CNOT4: variants seen among roughly 807,000 people sequenced by gnomAD.
The protein encoded by CNOT4 is CCR4-associated factor 4.
A neutral mutation model predicts 73.8 loss-of-function variants in CNOT4; 8 were observed. That is an observed-to-expected ratio of 0.11 (90% CI 0.06 to 0.20). CNOT4 has a LOEUF of 0.20. Ranked by LOEUF, CNOT4 falls within the 10% of genes least tolerant of loss-of-function variation. The pLI is 1.00. For missense variants in CNOT4, 564 were observed against 883.4 expected (o/e 0.64, Z 4.58); for synonymous variants, 293 against 321.1 (o/e 0.91, Z 0.94).
At chr7:135,427,043 C>T (rs1161482482) in intron 2 of CNOT4, among the ~76,000 whole-genome samples, 2 of 151,904 alleles carry the variant, frequency 1.3e-5, no homozygotes, top group Admixed American at 1.3e-4. Context: ...TTTAAACATA[C>T]TATTGTGCAT....
At chr7:135,403,011 G>A (rs1299304046) in intron 7 of CNOT4, among the ~76,000 whole-genome samples, 1 of 152,028 alleles carries the variant, frequency 6.6e-6, no homozygotes, top group Non-Finnish European at 1.5e-5. Context: ...AAAGTTAGAA[G>A]GTTTAGTTTT....
At chr7:135,409,439 C>T (rs1797475458) in intron 7 of CNOT4, among the ~76,000 whole-genome samples, 1 of 151,958 alleles carries the variant, frequency 6.6e-6, no homozygotes, top group Non-Finnish European at 1.5e-5. Context: ...TTTACATACA[C>T]ATATATATGT....
At chr7:135,494,737 A>T (rs73158958) in intron 1 of CNOT4, among the ~76,000 whole-genome samples, 25,242 of 152,110 alleles carry the variant, frequency 0.17, 2,548 homozygotes, top group Non-Finnish European at 0.22. Flanking sequence ...AAACAGTGCA[A>T]ATATTAGAGG....
chr7:135,501,600 G>A (rs545378089), intron 1 of CNOT4, among the ~76,000 whole-genome samples: 118 of 152,222 alleles, frequency 7.8e-4, no homozygotes, highest in South Asian at 1.2e-3. Flanking sequence ...ACTATTGAAC[G>A]AGTAATCTTT....
intron 3 of CNOT4, among the ~76,000 whole-genome samples, chr7:135,415,623 C>A (rs1797828638): frequency 6.6e-6 from 1 of 152,086 alleles, no homozygotes; most frequent in Non-Finnish European, 1.5e-5. Context: ...ATGATCCTTA[C>A]ACGAAAGCAA....
chr7:135,410,378 T>G, intron 7 of CNOT4, 137 bp downstream of exon 7: 1 of 543,740 alleles, frequency 1.8e-6, no homozygotes, highest in Non-Finnish European at 3.0e-6. Flanking sequence ...TGACTCAACA[T>G]TTCCCATACA....
At chr7:135,437,189 C>T (rs1290249836) in intron 2 of CNOT4, among the ~76,000 whole-genome samples, 2 of 150,296 alleles carry the variant, frequency 1.3e-5, no homozygotes, top group East Asian at 4.0e-4. Context: ...CTTTTCTTTT[C>T]TTTTCTTTTC....
intron 1 of CNOT4, among the ~76,000 whole-genome samples, chr7:135,476,625 A>G (rs1802012036): frequency 6.6e-6 from 1 of 152,184 alleles, no homozygotes; most frequent in Non-Finnish European, 1.5e-5. Flanking sequence ...GCAGTAAGCT[A>G]TGATTGTGCC....
At position 135,362,500 on chromosome 7, in the gene CNOT4, A is replaced by G. The variant is rs1794691485; in HGVS notation, c.*385T>C. ...CCTGGTTTTCAAACTTCTGCAGTTG[A>G]TAATGCATTTACTTGAGCTTTCCTA... On this transcript the variant is annotated 3_prime_UTR_variant, in exon 12 of 12. Transcript: ENST00000541284. 1 of 342,276 alleles carries G rather than the reference A, an allele frequency of 2.9e-6. No individual in the cohort carries two copies. The allele number at this position is 342,276 out of a possible 1,614,324, so 21.2% of individuals were successfully genotyped here.
intron 1 of CNOT4, among the ~76,000 whole-genome samples, chr7:135,444,244 T>C (rs1459800013): frequency 1.3e-5 from 2 of 152,098 alleles, no homozygotes; most frequent in Non-Finnish European, 1.5e-5. Flanking sequence ...AGAATTAGTG[T>C]ATGACCCAGC....
At chr7:135,444,637 C>A in intron 1 of CNOT4, 2 of 1,167,952 alleles carry the variant, frequency 1.7e-6, no homozygotes, top group Non-Finnish European at 2.6e-6. Flanking sequence ...TCCAAGGCTG[C>A]ATCTCTCCAC....
At chr7:135,471,315 TCAAA>T (rs1435239252) in intron 1 of CNOT4, among the ~76,000 whole-genome samples, 1 of 151,884 alleles carries the variant, frequency 6.6e-6, no homozygotes, top group African/African-American at 2.4e-5. Flanking sequence ...CAGAGACCAC[TCAAA>T]CAAACGAAAA....
In CNOT4 at chr7:135,371,303, G is replaced by A. The variant is rs1795195021; in HGVS notation, c.1628-7237C>T. On this transcript the variant is annotated intron_variant, in intron 10 of 11. Coordinates refer to ENST00000541284, the MANE Select transcript of CNOT4 (RefSeq NM_001190850.2). ...GTCTGTGTCCTGGGCAGGACTCATGGGCTAACAGAAGGGAAGGGTAAATGT... is the reference window on the plus strand; with the variant it reads ...GTCTGTGTCCTGGGCAGGACTCATGAGCTAACAGAAGGGAAGGGTAAATGT... Among the ~76,000 whole-genome samples the A allele has an allele frequency of 2.0e-5, 3 of 152,170 alleles. No homozygotes were observed. The South Asian group carries it at 6.2e-4, about 32-fold the overall frequency.
At chr7:135,431,715 C>A (rs1440685279) in intron 2 of CNOT4, among the ~76,000 whole-genome samples, 1 of 151,056 alleles carries the variant, frequency 6.6e-6, no homozygotes, top group African/African-American at 2.4e-5. Flanking sequence ...TGCACTCCAG[C>A]CTGGGTGACA....
chr7:135,413,417 TGCAA>T, intron 6 of CNOT4, 67 bp downstream of exon 6: 4 of 1,552,644 alleles, frequency 2.6e-6, no homozygotes, highest in Admixed American at 2.0e-5. Flanking sequence ...TTTTTGCTTT[TGCAA>T]TGTTAACTAA....
chr7:135,461,925 AT>A (rs1800901777), intron 1 of CNOT4, among the ~76,000 whole-genome samples: 1 of 152,164 alleles, frequency 6.6e-6, no homozygotes, highest in African/African-American at 2.4e-5. Flanking sequence ...CCAAGATGAA[AT>A]TTCAGTAAAA....
chr7:135,424,522 C>G (rs915151933), intron 2 of CNOT4, among the ~76,000 whole-genome samples: 1 of 152,120 alleles, frequency 6.6e-6, no homozygotes, highest in South Asian at 2.1e-4. Flanking sequence ...CGGTGGCTCA[C>G]GCCTGTAATT....
chr7:135,418,032 C>T (rs1307501819), intron 3 of CNOT4, among the ~76,000 whole-genome samples: 1 of 152,170 alleles, frequency 6.6e-6, no homozygotes, highest in Non-Finnish European at 1.5e-5. Flanking sequence ...TCAGTATATG[C>T]TCAGTGTCTT....
chr7:135,401,186 G>A (rs1796982275), intron 7 of CNOT4, among the ~76,000 whole-genome samples: 1 of 152,226 alleles, frequency 6.6e-6, no homozygotes. Flanking sequence ...GGCATCAGAT[G>A]TAGAACTTCC....
Sources: allele counts gnomAD v4.1 joint callset (sites outside exome capture counted in the v4.1 genomes callset), GRCh38; gene constraint gnomAD v4.1.1; transcripts MANE v1.5; gene names NCBI Gene and HGNC (gene_info 2026-07-23, HGNC 2026-07-21).